Variants in BTBD8 observed in about 807,000 individuals in gnomAD.
BTBD8 encodes BTB domain containing 8, also known as BTB/POZ domain-containing protein 8.
Under a neutral mutation model 162.9 loss-of-function variants are expected in BTBD8, and 110 were observed. The observed-to-expected ratio is 0.68, with a 90% CI of 0.58 to 0.79. BTBD8 has a LOEUF of 0.79. Ranked by LOEUF, BTBD8 falls within the 30% of genes least tolerant of loss-of-function variation. The pLI is 0.00. For synonymous variants in BTBD8, 667 were observed against 716.1 expected (o/e 0.93, Z 1.10); for missense variants, 1,905 against 2,085.4 (o/e 0.91, Z 1.68).
chr1:92,118,738 A>G (rs72956856), intron 4 of BTBD8, among the ~76,000 whole-genome samples: 146 of 151,172 alleles, frequency 9.7e-4, no homozygotes, highest in African/African-American at 3.5e-3. Flanking sequence ...TCACTTACAT[A>G]TATCAGTGTA....
intron 4 of BTBD8, among the ~76,000 whole-genome samples, chr1:92,116,016 A>G (rs929958921): frequency 6.6e-6 from 1 of 152,112 alleles, no homozygotes; most frequent in Non-Finnish European, 1.5e-5. Context: ...AGCACTGCTT[A>G]GCTGTAGCCT....
intron 5 of BTBD8, among the ~76,000 whole-genome samples, chr1:92,132,789 C>T (rs957359922): frequency 1.3e-5 from 2 of 152,092 alleles, no homozygotes. Context: ...CTCTAATTGG[C>T]TTATTGACTC....
At chr1:92,092,513 G>T (rs1302582198) in intron 2 of BTBD8, among the ~76,000 whole-genome samples, 1 of 152,076 alleles carries the variant, frequency 6.6e-6, no homozygotes, top group Non-Finnish European at 1.5e-5. Context: ...GCCCTCACCA[G>T]AACCCAACAT....
Position 92,179,670 on chromosome 1 carries a change from A to T in BTBD8, c.2582-595A>T, listed in dbSNP as rs188032512. Among the ~76,000 whole-genome samples, 6 of 152,292 alleles carry T rather than the reference A, an allele frequency of 3.9e-5. No individual in the cohort carries two copies. The South Asian group carries it at 6.2e-4, about 16-fold the overall frequency. On this transcript the variant is annotated intron_variant, in intron 16 of 17. Transcript: ENST00000636805. Reference sequence around the variant, plus strand: ...CCAGTATAAACAAATGGATTCCCCAAATTAATCCCCTTCTTTCCAGTCAGC... The same window carrying T: ...CCAGTATAAACAAATGGATTCCCCATATTAATCCCCTTCTTTCCAGTCAGC...
chr1:92,142,616 C>A (rs952332813), intron 7 of BTBD8, among the ~76,000 whole-genome samples: 5 of 152,088 alleles, frequency 3.3e-5, no homozygotes, highest in African/African-American at 9.7e-5. Context: ...CACTCTGCAC[C>A]CCGGTTACAC....
intron 5 of BTBD8, among the ~76,000 whole-genome samples, chr1:92,131,119 A>T (rs758765806): frequency 6.6e-6 from 1 of 152,254 alleles, no homozygotes; most frequent in Non-Finnish European, 1.5e-5. Flanking sequence ...CAGAAGGACT[A>T]TGCTGGAGAC....
At position 92,182,122 on chromosome 1, in the gene BTBD8, A is replaced by C; in HGVS notation, c.4439A>C (p.His1480Pro). 1.3e-6 allele frequency: 2 copies of C among 1,551,542 alleles called. No individual in the cohort carries two copies. Among genetic ancestry groups the C allele is most frequent in the African/African-American group, 2.7e-5 (2 of 73,156 alleles). The change falls in exon 17 of 18, where the codon CAT becomes CCT. Residue 1480 changes from histidine to proline, a missense_variant. This residue lies in a region of BTBD8 where 517 missense variants were observed against 606.6 expected (regional missense o/e 0.85). Coordinates refer to ENST00000636805, the MANE Select transcript of BTBD8 (RefSeq NM_001376131.1). ...TTTGATGGCATTTCTCATGAACATC[A>C]TGGAAGGACCTGCTATTCCAGATTC... ...DVFDGISHEH[H>P]GRTCYSRFSR...
intron 4 of BTBD8, among the ~76,000 whole-genome samples, chr1:92,119,656 T>C (rs1263504419): frequency 6.6e-6 from 1 of 150,658 alleles, no homozygotes; most frequent in Non-Finnish European, 1.5e-5. Context: ...AGACGGAGTC[T>C]CGCTCTGTTG....
intron 16 of BTBD8, 140 bp from the exon 17 acceptor site, chr1:92,180,125 A>G: frequency 1.6e-6 from 1 of 619,218 alleles, no homozygotes; most frequent in Non-Finnish European, 2.6e-6. Context: ...GTGCTTGTCC[A>G]TTTGATCATA....
At chr1:92,152,414 C>T (rs1322962560) in intron 9 of BTBD8, among the ~76,000 whole-genome samples, 1 of 152,088 alleles carries the variant, frequency 6.6e-6, no homozygotes, top group African/African-American at 2.4e-5. Context: ...CAGGTGTATA[C>T]ATAGAATCAC....
At chr1:92,120,100 C>T (rs1649162833) in intron 4 of BTBD8, among the ~76,000 whole-genome samples, 1 of 151,898 alleles carries the variant, frequency 6.6e-6, no homozygotes, top group Non-Finnish European at 1.5e-5. Flanking sequence ...GGGGTTTCAC[C>T]ATCTCTAACT....
Position 92,167,983 on chromosome 1 carries a change from A to G in BTBD8, c.1441A>G (p.Met481Val). Residue 481 changes from methionine (M) to valine (V), a missense_variant and splice_region_variant, in exon 11 of 18, where the codon ATG becomes GTG. Transcript: ENST00000636805. The part of the protein sequence containing the change: ...TLLNSDSTKE[M>V]GFTCKIQALR... The stretch of plus-strand genomic sequence containing the variant: ...GCTGAACTCTGACAGTACAAAGGAA[A>G]TGGTACTGAATGTAATGAAATTTAT... 2.6e-6 allele frequency: 4 copies of G among 1,531,222 alleles called. No homozygotes were observed. The allele number at this position is 1,531,222 out of a possible 1,614,324, so 94.9% of individuals were successfully genotyped here.
intron 1 of BTBD8, among the ~76,000 whole-genome samples, chr1:92,081,301 T>A (rs988423143): frequency 6.6e-6 from 1 of 152,228 alleles, no homozygotes; most frequent in Non-Finnish European, 1.5e-5. Flanking sequence ...AGGGTCTTCC[T>A]GACATTTAAC....
chr1:92,092,477 A>G (rs1648336067), intron 2 of BTBD8, among the ~76,000 whole-genome samples: 1 of 152,060 alleles, frequency 6.6e-6, no homozygotes, highest in African/African-American at 2.4e-5. Flanking sequence ...GGACACAGTG[A>G]GGCGATGGTG....
At chr1:92,101,466 A>T (rs1288080501) in intron 2 of BTBD8, among the ~76,000 whole-genome samples, 1 of 152,166 alleles carries the variant, frequency 6.6e-6, no homozygotes, top group African/African-American at 2.4e-5. Context: ...AATATTCATG[A>T]CAGCTCCCGC....
intron 3 of BTBD8, among the ~76,000 whole-genome samples, chr1:92,105,666 G>C (rs1311447769): frequency 1.3e-5 from 2 of 152,200 alleles, no homozygotes; most frequent in East Asian, 1.9e-4. Context: ...TGACAGGCAA[G>C]GTTACGATAA....
intron 5 of BTBD8, among the ~76,000 whole-genome samples, chr1:92,133,341 A>G (rs1312860493): frequency 6.6e-6 from 1 of 152,224 alleles, no homozygotes; most frequent in Admixed American, 6.5e-5. Context: ...AAACTGGCAT[A>G]GTATGTAGTG....
intron 10 of BTBD8, among the ~76,000 whole-genome samples, chr1:92,167,613 A>G (rs1650418327): frequency 6.6e-6 from 1 of 152,254 alleles, no homozygotes; most frequent in Admixed American, 6.5e-5. Context: ...ATACATATGT[A>G]ACAAACCTGC....
chr1:92,135,031 A>G (rs373777914), intron 5 of BTBD8, among the ~76,000 whole-genome samples: 3 of 151,118 alleles, frequency 2.0e-5, no homozygotes, highest in East Asian at 1.9e-4. Flanking sequence ...AGCTGGGATT[A>G]CAGGCATGTG....
Sources: gnomAD v4.1 joint callset for allele counts (sites outside exome capture counted in the v4.1 genomes callset) on GRCh38, gnomAD v4.1.1 for gene constraint, gnomAD v4.1.1 regional missense constraint, MANE v1.5 for transcripts, NCBI Gene and HGNC (gene_info 2026-07-23, HGNC 2026-07-21) for gene names.